HNRNPC: variants seen among roughly 807,000 people sequenced by gnomAD.
The protein encoded by HNRNPC is heterogeneous nuclear ribonucleoproteins C1/C2.
A neutral mutation model predicts 33.2 loss-of-function variants in HNRNPC; 3 were observed. The ratio of observed to expected loss-of-function variants is 0.09; its 90% confidence interval spans 0.04 to 0.23. The LOEUF (loss-of-function observed/expected upper bound fraction) is 0.23. Among genes scored for constraint, HNRNPC ranks in the 10% least tolerant of loss-of-function variants. HNRNPC has a pLI of 1.00. For synonymous variants in HNRNPC, 121 were observed against 126.7 expected, an observed-to-expected ratio of 0.96 and a Z score of 0.30; for missense variants, 143 against 366.7, an observed-to-expected ratio of 0.39 and a Z score of 4.98.
rs1879577395 is a variant in HNRNPC at position 21,269,401 on chromosome 14, TCA to T, written c.-168_-167del. 1.3e-5 allele frequency: 2 copies of T among 154,800 alleles called. No homozygotes were observed. The highest frequency in any genetic ancestry group is 1.3e-4 in the Admixed American group (2 of 15,330). The allele number at this position is 154,800 out of a possible 1,614,324, so 9.6% of individuals were successfully genotyped here. A position where few individuals can be genotyped will look rare whatever the true frequency, so the allele number is the denominator to read the frequency against. ...AGGTCGGCAACGCGGCCACAACCGC[TCA>T]GTCTTCGTCTCTTCACAAAATGGCC... On this transcript the variant is annotated 5_prime_UTR_variant, in exon 1 of 9. Coordinates refer to ENST00000553300, the MANE Select transcript of HNRNPC (RefSeq NM_004500.4).
intron 5 of HNRNPC, among the ~76,000 whole-genome samples, chr14:21,221,472 G>A (rs556056708): frequency 9.2e-5 from 14 of 152,040 alleles, no homozygotes; most frequent in African/African-American, 3.1e-4. Flanking sequence ...TCCATCTACC[G>A]CTTATATGTA....
intron 4 of HNRNPC, 62 bp from the exon 5 acceptor site, chr14:21,230,428 G>C (rs1376488742): frequency 8.2e-7 from 1 of 1,222,188 alleles, no homozygotes; most frequent in African/African-American, 1.5e-5. Context: ...ACAATGTCAG[G>C]TGAGGGGAGA....
At chr14:21,216,257 A>C (rs977336196) in intron 5 of HNRNPC, among the ~76,000 whole-genome samples, 4 of 152,204 alleles carry the variant, frequency 2.6e-5, no homozygotes, top group Non-Finnish European at 5.9e-5. Flanking sequence ...CATTAGCTGC[A>C]AACAGTGACA....
intron 1 of HNRNPC, chr14:21,263,551 G>A (rs928333952): frequency 1.3e-5 from 2 of 151,920 alleles, no homozygotes; most frequent in Non-Finnish European, 2.9e-5. Context: ...TTTATGAGAG[G>A]CTAAAAGGCT....
intron 1 of HNRNPC, 189 bp from the exon 2 acceptor site, chr14:21,263,525 G>GT (rs1296964478): frequency 1.3e-5 from 2 of 152,020 alleles, no homozygotes; most frequent in Non-Finnish European, 2.9e-5. Context: ...AATACACGAG[G>GT]AAGTAGAGAG....
At chr14:21,231,290 T>C (rs1894083654) in intron 3 of HNRNPC, 4 of 654,412 alleles carry the variant, frequency 6.1e-6, no homozygotes, top group South Asian at 4.5e-5. Context: ...GGCACCACCA[T>C]GCCCAGCTAA....
intron 2 of HNRNPC, among the ~76,000 whole-genome samples, chr14:21,248,012 T>C (rs1896193898): frequency 6.6e-6 from 1 of 151,116 alleles, no homozygotes; most frequent in South Asian, 2.1e-4. Flanking sequence ...AAAAAACCCG[T>C]ATCATCACAA....
intron 3 of HNRNPC, among the ~76,000 whole-genome samples, chr14:21,232,735 C>G (rs1444460971): frequency 6.6e-6 from 1 of 152,160 alleles, no homozygotes; most frequent in Non-Finnish European, 1.5e-5. Flanking sequence ...CATCAAATGA[C>G]CAACTGAAAA....
intron 2 of HNRNPC, among the ~76,000 whole-genome samples, chr14:21,235,366 TAA>T (rs1377762456): frequency 2.0e-5 from 3 of 152,124 alleles, no homozygotes; most frequent in Non-Finnish European, 2.9e-5. Flanking sequence ...ACGGATGATG[TAA>T]AAAAGTCTAA....
chr14:21,255,610 G>A (rs1163018179), intron 2 of HNRNPC, among the ~76,000 whole-genome samples: 1 of 152,138 alleles, frequency 6.6e-6, no homozygotes, highest in East Asian at 1.9e-4. Flanking sequence ...AGAATCACAA[G>A]AGTTGATGTA....
chr14:21,231,246 G>A, intron 3 of HNRNPC, 174 bp from the exon 4 acceptor site: 1 of 692,488 alleles, frequency 1.4e-6, no homozygotes, highest in Non-Finnish European at 2.6e-6. Flanking sequence ...CGATTCTCCT[G>A]CCTCAGCCTC....
intron 2 of HNRNPC, among the ~76,000 whole-genome samples, chr14:21,245,685 A>G (rs1223883727): frequency 6.6e-6 from 1 of 152,092 alleles, no homozygotes; most frequent in African/African-American, 2.4e-5. Flanking sequence ...GTAAGTTTGT[A>G]AAACAAATTT....
intron 2 of HNRNPC, among the ~76,000 whole-genome samples, chr14:21,256,550 C>T (rs892456703): frequency 6.6e-6 from 1 of 152,088 alleles, no homozygotes; most frequent in African/African-American, 2.4e-5. Flanking sequence ...AAATACAAAC[C>T]TATTATATAT....
Position 21,210,030 on chromosome 14 carries a change from T to C in HNRNPC, c.*1193A>G, listed in dbSNP as rs1891449175. The C allele has an allele frequency of 6.6e-6, 1 of 152,230 alleles. No homozygotes were observed. Among genetic ancestry groups the C allele is most frequent in the Admixed American group, 6.5e-5 (1 of 15,288 alleles). The allele number at this position is 152,230 out of a possible 1,614,324, so 9.4% of individuals were successfully genotyped here. A position where few individuals can be genotyped will look rare whatever the true frequency, so the allele number is the denominator to read the frequency against. ...TTCTCAATCACCTGGGAAGGCAGTCTATGGAATATCAGGAAGTAAGAGTTT... is the reference window on the plus strand; with the variant it reads ...TTCTCAATCACCTGGGAAGGCAGTCCATGGAATATCAGGAAGTAAGAGTTT... On this transcript the variant is annotated 3_prime_UTR_variant, in exon 9 of 9. Transcript: ENST00000553300.
At chr14:21,212,326 CA>C (rs1406200251) in intron 6 of HNRNPC, among the ~76,000 whole-genome samples, 1 of 152,020 alleles carries the variant, frequency 6.6e-6, no homozygotes, top group Non-Finnish European at 1.5e-5. Context: ...TACTGCCTTC[CA>C]TATTTCCAGT....
At chr14:21,269,154 G>A (rs762735503) in intron 1 of HNRNPC, 144 bp downstream of exon 1, 7 of 152,064 alleles carry the variant, frequency 4.6e-5, no homozygotes, top group Non-Finnish European at 7.3e-5. Flanking sequence ...AACTGCCCCC[G>A]GCTTCAACCT....
Position 21,210,844 on chromosome 14 carries a change from C to T in HNRNPC, c.*379G>A. The T allele has an allele frequency of 4.7e-6, 1 of 212,214 alleles. No homozygotes were observed. Among genetic ancestry groups the T allele is most frequent in the Non-Finnish European group, 9.6e-6 (1 of 104,572 alleles). The allele number at this position is 212,214 out of a possible 1,614,324, so 13.1% of individuals were successfully genotyped here. A position where few individuals can be genotyped will look rare whatever the true frequency, so the allele number is the denominator to read the frequency against. On this transcript the variant is annotated 3_prime_UTR_variant, in exon 9 of 9. Transcript: ENST00000553300. ...AGAGCTACTCAACTAAATGAGATTG[C>T]CTTTGCAGTTAGGGAAGCAACTACT... is the stretch of plus-strand genomic sequence containing the variant.
At chr14:21,222,354 A>C (rs1892920439) in intron 5 of HNRNPC, among the ~76,000 whole-genome samples, 1 of 152,206 alleles carries the variant, frequency 6.6e-6, no homozygotes, top group South Asian at 2.1e-4. Context: ...AAAAATTTGC[A>C]TACCAATCTC....
At position 21,269,408 on chromosome 14, in the gene HNRNPC, T is replaced by G. The variant is rs552479393; in HGVS notation, c.-173A>C. ...CAACGCGGCCACAACCGCTCAGTCT[T>G]CGTCTCTTCACAAAATGGCCCCCGA... On this transcript the variant is annotated 5_prime_UTR_variant, in exon 1 of 9. Coordinates refer to ENST00000553300, the MANE Select transcript of HNRNPC (RefSeq NM_004500.4). The G allele has an allele frequency of 6.4e-6, 1 of 155,342 alleles. No homozygotes were observed. Among genetic ancestry groups the G allele is most frequent in the Admixed American group, 6.5e-5 (1 of 15,354 alleles). The allele number at this position is 155,342 out of a possible 1,614,324, so 9.6% of individuals were successfully genotyped here.
Sources: gnomAD v4.1 joint callset for allele counts (sites outside exome capture counted in the v4.1 genomes callset) on GRCh38, gnomAD v4.1.1 for gene constraint, MANE v1.5 for transcripts, NCBI Gene and HGNC (gene_info 2026-07-23, HGNC 2026-07-21) for gene names.